Variants in MACROD2 observed in about 807,000 individuals in gnomAD.
The protein encoded by MACROD2 is ADP-ribose glycohydrolase MACROD2.
In MACROD2, 36 loss-of-function variants were observed where a neutral mutation model predicts 70.4. The ratio of observed to expected loss-of-function variants is 0.51; its 90% CI spans 0.39 to 0.68. The LOEUF (loss-of-function observed/expected upper bound fraction) is 0.68, where lower values mean the gene tolerates loss of function less well. Ranked by LOEUF, MACROD2 falls within the 30% of genes least tolerant of loss-of-function variation. The pLI, the probability that MACROD2 is intolerant of heterozygous loss-of-function variation, is 0.00. For missense variants in MACROD2, 496 were observed against 538.4 expected, an observed-to-expected ratio of 0.92 and a Z score of 0.78; for synonymous variants, 172 against 178.8, an observed-to-expected ratio of 0.96 and a Z score of 0.30.
intron 5 of MACROD2, among the ~76,000 whole-genome samples, chr20:14,749,558 C>A (rs79840135): frequency 0.011 from 1,661 of 151,852 alleles, 33 homozygotes; most frequent in African/African-American, 0.038. Context: ...CAAAGTATAC[C>A]CCCAAAATAT....
intron 3 of MACROD2, among the ~76,000 whole-genome samples, chr20:14,099,473 G>A (rs1472330323): frequency 3.3e-5 from 5 of 152,024 alleles, no homozygotes; most frequent in Admixed American, 1.3e-4. Context: ...TATTATGCTT[G>A]CAACATTGAT....
At chr20:14,689,037 A>T (rs1392974249) in intron 5 of MACROD2, among the ~76,000 whole-genome samples, 2 of 150,864 alleles carry the variant, frequency 1.3e-5, no homozygotes, top group African/African-American at 4.8e-5. Context: ...TGTGACCTTT[A>T]CTTCTCTACA....
intron 2 of MACROD2, among the ~76,000 whole-genome samples, chr20:14,019,800 CAATA>C (rs912654635): frequency 6.6e-6 from 1 of 152,074 alleles, no homozygotes; most frequent in Non-Finnish European, 1.5e-5. Flanking sequence ...TTAGGTTCTA[CAATA>C]GTGATGTTAC....
chr20:15,051,830 C>A (rs6131634), intron 5 of MACROD2, among the ~76,000 whole-genome samples: 25,542 of 150,798 alleles, frequency 0.17, 2,774 homozygotes, highest in East Asian at 0.33. Flanking sequence ...CAGCTCACTG[C>A]AACTTCCACC....
chr20:15,292,802 T>C (rs998960387), intron 6 of MACROD2, among the ~76,000 whole-genome samples: 1 of 152,256 alleles, frequency 6.6e-6, no homozygotes, highest in Admixed American at 6.5e-5. Flanking sequence ...GACTGTTTTT[T>C]CTTGGTTTAA....
intron 10 of MACROD2, among the ~76,000 whole-genome samples, chr20:15,920,965 A>T (rs534236784): frequency 6.6e-6 from 1 of 152,214 alleles, no homozygotes; most frequent in Admixed American, 6.5e-5. Context: ...TTTTCAGTCC[A>T]TCCTGTTCTC....
At chr20:14,228,337 TC>T (rs1467368825) in intron 3 of MACROD2, among the ~76,000 whole-genome samples, 4 of 88,688 alleles carry the variant, frequency 4.5e-5, no homozygotes, top group African/African-American at 1.2e-4. Flanking sequence ...TAAATATTTT[TC>T]TTTTTTTTTT....
intron 6 of MACROD2, among the ~76,000 whole-genome samples, chr20:15,428,319 T>C (rs1485803113): frequency 6.6e-6 from 1 of 152,178 alleles, no homozygotes; most frequent in Non-Finnish European, 1.5e-5. Context: ...TTTTGCTATC[T>C]TCTGGCTTTC....
At chr20:15,296,764 A>G (rs1231648757) in intron 6 of MACROD2, among the ~76,000 whole-genome samples, 1 of 151,650 alleles carries the variant, frequency 6.6e-6, no homozygotes, top group Non-Finnish European at 1.5e-5. Flanking sequence ...GCCTTTTTCT[A>G]TGGTGTTATC....
chr20:15,951,058 A>G (rs2065896905), intron 12 of MACROD2, among the ~76,000 whole-genome samples: 1 of 152,202 alleles, frequency 6.6e-6, no homozygotes, highest in Non-Finnish European at 1.5e-5. Flanking sequence ...TTAAGAAATC[A>G]TACCCATTGT....
At chr20:14,241,882 C>T (rs953030793) in intron 3 of MACROD2, among the ~76,000 whole-genome samples, 7 of 152,092 alleles carry the variant, frequency 4.6e-5, no homozygotes, top group African/African-American at 1.7e-4. Flanking sequence ...TTAATGGAGA[C>T]CACCCAATTG....
Position 14,409,471 on chromosome 20 carries a change from C to T in MACROD2, c.272-84008C>T, listed in dbSNP as rs111230921. Among the ~76,000 whole-genome samples, 75 of 151,744 alleles carry T rather than the reference C, an allele frequency of 4.9e-4. 1 individual carries two copies. The highest frequency in any genetic ancestry group is 1.1e-3 in the African/African-American group (45 of 41,374). On this transcript the variant is annotated intron_variant, in intron 3 of 17. Transcript: ENST00000684519. ...ATTCCCTTTGTACAGGTGAGGCAAC[C>T]GAGACCCAGAGAGATTAAGTAACTC...
intron 5 of MACROD2, among the ~76,000 whole-genome samples, chr20:14,851,439 G>C (rs568265326): frequency 6.6e-6 from 1 of 152,248 alleles, no homozygotes; most frequent in African/African-American, 2.4e-5. Context: ...CTCTCACCCT[G>C]TTTACAGGTC....
intron 8 of MACROD2, among the ~76,000 whole-genome samples, chr20:15,524,487 T>A (rs1037013239): frequency 3.3e-5 from 5 of 152,206 alleles, no homozygotes; most frequent in African/African-American, 4.8e-5. Flanking sequence ...AAAACTTTTT[T>A]AAACAGTACA....
chr20:14,718,821 G>C (rs1328153061), intron 5 of MACROD2, among the ~76,000 whole-genome samples: 1 of 152,134 alleles, frequency 6.6e-6, no homozygotes, highest in East Asian at 1.9e-4. Context: ...TTCTAATGTA[G>C]TATGTTTCTT....
intron 5 of MACROD2, among the ~76,000 whole-genome samples, chr20:14,718,917 C>G (rs1292048946): frequency 6.6e-6 from 1 of 152,070 alleles, no homozygotes; most frequent in African/African-American, 2.4e-5. Flanking sequence ...GTATAGAATG[C>G]TTACACATTT....
At chr20:14,301,998 T>G (rs1388574976) in intron 3 of MACROD2, among the ~76,000 whole-genome samples, 3 of 152,240 alleles carry the variant, frequency 2.0e-5, no homozygotes, top group African/African-American at 7.2e-5. Context: ...TTAGGATAGA[T>G]AGAACTATGT....
chr20:14,437,021 GT>G (rs1292282171), intron 3 of MACROD2, among the ~76,000 whole-genome samples: 1 of 152,094 alleles, frequency 6.6e-6, no homozygotes. Flanking sequence ...ACACACAGAG[GT>G]TTCAATTTGG....
chr20:15,928,801 C>G (rs902409689), intron 10 of MACROD2, among the ~76,000 whole-genome samples: 1 of 152,188 alleles, frequency 6.6e-6, no homozygotes, highest in Non-Finnish European at 1.5e-5. Flanking sequence ...GATGGCAGTG[C>G]AGACTCTTTA....
Sources: allele counts gnomAD v4.1 joint callset (sites outside exome capture counted in the v4.1 genomes callset), GRCh38; gene constraint gnomAD v4.1.1; transcripts MANE v1.5; gene names NCBI Gene and HGNC (gene_info 2026-07-23, HGNC 2026-07-21).